The following ZNF738 variants were observed in gnomAD, a reference collection of about 807,000 sequenced individuals.
ZNF738 encodes zinc finger protein 738.
In ZNF738, 10 loss-of-function variants were observed where a neutral mutation model predicts 9.2. The observed-to-expected ratio is 1.09, with a 90% CI of 0.67 to 1.85. The LOEUF is 1.85. Ranked by LOEUF, ZNF738 falls within the 40% of genes most tolerant of loss-of-function variation. The probability of loss-of-function intolerance (pLI) is 0.00; values close to 1 mark genes in which losing one functional copy is unlikely to be tolerated. For missense variants in ZNF738, 346 were observed against 283.6 expected (o/e 1.22, Z -1.58); for synonymous variants, 113 against 94.5 (o/e 1.20, Z -1.14).
chr19:21,369,961 A>T (rs1973836234), intron 2 of ZNF738, among the ~76,000 whole-genome samples: 1 of 151,948 alleles, frequency 6.6e-6, no homozygotes, highest in Non-Finnish European at 1.5e-5. Flanking sequence ...TTACAAGCAC[A>T]CACCACCATG....
At chr19:21,359,856 G>A (rs1459152259) in intron 1 of ZNF738, among the ~76,000 whole-genome samples, 4 of 152,182 alleles carry the variant, frequency 2.6e-5, no homozygotes, top group Admixed American at 2.0e-4. Context: ...CAGCCTGGGC[G>A]ACAGAGCGAG....
rs904796752 is a variant in ZNF738, at chr19:21,386,632, C to T, written c.*2958C>T. The T allele has an allele frequency of 8.4e-6, 2 of 237,116 alleles. No homozygotes were observed. Among genetic ancestry groups the T allele is most frequent in the Non-Finnish European group, 1.8e-5 (2 of 108,396 alleles). 14.7% of individuals were successfully genotyped at this position (237,116 alleles called of 1,614,324 possible). ...GCCTTTAACCAGTCCTCAATTCTTA[C>T]CAAACATAAGAAAATTCATATTGGA... is the stretch of plus-strand genomic sequence containing the variant. On this transcript the variant is annotated 3_prime_UTR_variant, in exon 5 of 5. Transcript: ENST00000683779.
chr19:21,372,480 G>T (rs1430583987), intron 2 of ZNF738: 1 of 152,114 alleles, frequency 6.6e-6, no homozygotes, highest in East Asian at 1.9e-4. Context: ...GCTGCTCACA[G>T]TATCCTGAAA....
At chr19:21,377,925 TTC>T (rs1973953323) in intron 4 of ZNF738, 2 of 389,502 alleles carry the variant, frequency 5.1e-6, no homozygotes, top group African/African-American at 2.1e-5. Flanking sequence ...GTCCCACATT[TTC>T]TCTCTTTGTT....
At chr19:21,361,950 G>A (rs999000182) in intron 2 of ZNF738, 92 bp downstream of exon 2, 5 of 622,904 alleles carry the variant, frequency 8.0e-6, no homozygotes, top group Non-Finnish European at 1.5e-5. Flanking sequence ...GCATGGTGGT[G>A]CATGCCTGAA....
At position 21,383,866 on chromosome 19, in the gene ZNF738, C is replaced by T. The variant is rs188158709; in HGVS notation, c.*192C>T. The T allele has an allele frequency of 3.4e-3, 4,636 of 1,380,166 alleles. 17 individuals are homozygous for T. The highest frequency in any genetic ancestry group is 4.2e-3 in the Non-Finnish European group (4,070 of 972,772). The allele number at this position is 1,380,166 out of a possible 1,614,324, so 85.5% of individuals were successfully genotyped here. A position where few individuals can be genotyped will look rare whatever the true frequency, so the allele number is the denominator to read the frequency against. On this transcript the variant is annotated 3_prime_UTR_variant, in exon 5 of 5. Coordinates refer to ENST00000683779, the MANE Select transcript of ZNF738 (RefSeq NM_001355237.2). Reference sequence around the variant, plus strand: ...TGTGGCAAAGCTTTCTTCAGATTCTCATACCTTACTACACATAAGATAATT... The same window carrying T: ...TGTGGCAAAGCTTTCTTCAGATTCTTATACCTTACTACACATAAGATAATT...
chr19:21,375,638 G>C (rs1191519827), intron 3 of ZNF738, among the ~76,000 whole-genome samples: 1 of 152,028 alleles, frequency 6.6e-6, no homozygotes, highest in African/African-American at 2.4e-5. Context: ...GTTGCCCATA[G>C]GTTAAAATCT....
At chr19:21,370,380 A>G (rs1388879679) in intron 2 of ZNF738, among the ~76,000 whole-genome samples, 2 of 152,190 alleles carry the variant, frequency 1.3e-5, no homozygotes, top group East Asian at 1.9e-4. Flanking sequence ...TTTTGGTATC[A>G]GAATAATGCT....
Position 21,383,769 on chromosome 19 carries a change from CT to C in ZNF738, c.*99del. On this transcript the variant is annotated 3_prime_UTR_variant, in exon 5 of 5. Coordinates refer to ENST00000683779, the MANE Select transcript of ZNF738 (RefSeq NM_001355237.2). Reference sequence around the variant, plus strand: ...TACAAATGTGAGGAATGTGGCAAAGCTTTTAAACAGTCCTCAAACCTTACTA... The same window carrying C: ...TACAAATGTGAGGAATGTGGCAAAGCTTTAAACAGTCCTCAAACCTTACTA... The C allele has an allele frequency of 8.7e-7, 1 of 1,151,364 alleles. No individual in the cohort carries two copies. The allele number at this position is 1,151,364 out of a possible 1,614,324, so 71.3% of individuals were successfully genotyped here.
chr19:21,375,852 T>G lies in ZNF738; in HGVS notation c.224-17T>G, dbSNP rs764985451. ...GAATATGAGCAAGATTCATGTTATT[T>G]ATTTTTAATAAATCAGGTATTGATG... On this transcript the variant is annotated splice_polypyrimidine_tract_variant and intron_variant, in intron 3 of 4. Transcript: ENST00000683779. The G allele has an allele frequency of 5.1e-6, 4 of 777,712 alleles. No individual in the cohort carries two copies. The highest frequency in any genetic ancestry group is 9.5e-6 in the Non-Finnish European group (4 of 419,260). The allele number at this position is 777,712 out of a possible 1,614,324, so 48.2% of individuals were successfully genotyped here. A position where few individuals can be genotyped will look rare whatever the true frequency, so the allele number is the denominator to read the frequency against.
rs55672173 is a variant in ZNF738 at position 21,362,097 on chromosome 19, G to GATAATAATA, written c.96+266_96+274dup. Among the ~76,000 whole-genome samples, 459 of 148,120 alleles carry GATAATAATA rather than the reference G, an allele frequency of 3.1e-3. 3 individuals carry two copies. Among genetic ancestry groups the GATAATAATA allele is most frequent in the East Asian group, 0.022 (109 of 5,000 alleles). ...AACTCCATCTAATAATAATAATAAT[G>GATAATAATA]ATAATAATAATAATAATAATAATAA... is the stretch of plus-strand genomic sequence containing the variant. On this transcript the variant is annotated intron_variant, in intron 2 of 4. Coordinates refer to ENST00000683779, the MANE Select transcript of ZNF738 (RefSeq NM_001355237.2).
At chr19:21,361,901 A>G in intron 2 of ZNF738, 43 bp downstream of exon 2, 1 of 748,598 alleles carries the variant, frequency 1.3e-6, no homozygotes, top group Non-Finnish European at 2.5e-6. Flanking sequence ...GACCAGCTTG[A>G]AAAACATGCT....
In ZNF738 at chr19:21,384,211, C is replaced by A; in HGVS notation, c.*537C>A. 1 of 1,401,774 alleles carries A rather than the reference C, an allele frequency of 7.1e-7. No homozygotes were observed. The highest frequency in any genetic ancestry group is 1.0e-6 in the Non-Finnish European group (1 of 993,010). The allele number at this position is 1,401,774 out of a possible 1,614,324, so 86.8% of individuals were successfully genotyped here. On this transcript the variant is annotated 3_prime_UTR_variant, in exon 5 of 5. Coordinates refer to ENST00000683779, the MANE Select transcript of ZNF738 (RefSeq NM_001355237.2). ...GCTTTTAACTGGTACTCACGCCTTA[C>A]TACACATAAGAGAATTCATACTGGT...
In ZNF738 at chr19:21,386,358, T is replaced by G. The variant is rs1459378262; in HGVS notation, c.*2684T>G. 3 of 311,200 alleles carry G rather than the reference T, an allele frequency of 9.6e-6. No homozygotes were observed. Among genetic ancestry groups the G allele is most frequent in the Non-Finnish European group, 2.0e-5 (3 of 151,628 alleles). The allele number at this position is 311,200 out of a possible 1,614,324, so 19.3% of individuals were successfully genotyped here. On this transcript the variant is annotated 3_prime_UTR_variant, in exon 5 of 5. Coordinates refer to ENST00000683779, the MANE Select transcript of ZNF738 (RefSeq NM_001355237.2). The stretch of plus-strand genomic sequence containing the variant: ...GGAAATCCCACCCATGTGGCAAAGC[T>G]TTTAATCAATCCTCAAACCTTACTA...
At chr19:21,366,953 A>C (rs1218842415) in intron 2 of ZNF738, among the ~76,000 whole-genome samples, 1 of 152,200 alleles carries the variant, frequency 6.6e-6, no homozygotes, top group African/African-American at 2.4e-5. Flanking sequence ...CTTGTGACTT[A>C]GAATACCTAA....
chr19:21,371,048 G>C (rs1973849680), intron 2 of ZNF738, among the ~76,000 whole-genome samples: 1 of 152,188 alleles, frequency 6.6e-6, no homozygotes, highest in Admixed American at 6.5e-5. Context: ...TCTGATGATA[G>C]AATCTGTAAG....
chr19:21,378,605 ACT>A, intron 4 of ZNF738: 1 of 340,044 alleles, frequency 2.9e-6, no homozygotes. Flanking sequence ...AAATAATATC[ACT>A]TTTTTTTTTT....
At chr19:21,375,483 CA>C in intron 3 of ZNF738, 119 bp downstream of exon 3, 1 of 531,928 alleles carries the variant, frequency 1.9e-6, no homozygotes, top group Non-Finnish European at 3.4e-6. Flanking sequence ...TCCCTGTTTT[CA>C]AAAAATTGCG....
intron 1 of ZNF738, among the ~76,000 whole-genome samples, chr19:21,361,550 C>G (rs1464412848): frequency 6.6e-6 from 1 of 152,212 alleles, no homozygotes; most frequent in Non-Finnish European, 1.5e-5. Context: ...TGTGTCTTTT[C>G]CTTTTATCTT....
Sources: gnomAD v4.1 joint callset for allele counts (sites outside exome capture counted in the v4.1 genomes callset) on GRCh38, gnomAD v4.1.1 for gene constraint, MANE v1.5 for transcripts, NCBI Gene and HGNC (gene_info 2026-07-23, HGNC 2026-07-21) for gene names.